MICAL3: variants seen among roughly 807,000 people sequenced by gnomAD.
MICAL3 encodes the protein microtubule associated monooxygenase, calponin and LIM domain containing 3, also known as [F-actin]-monooxygenase MICAL3.
Under a neutral mutation model 207.4 loss-of-function variants are expected in MICAL3, and 62 were observed. The observed-to-expected ratio is 0.30, with a 90% CI of 0.24 to 0.37. The LOEUF (loss-of-function observed/expected upper bound fraction) is 0.37, where lower values mean the gene tolerates loss of function less well. Among genes scored for constraint, MICAL3 ranks in the 10% least tolerant of loss-of-function variants. MICAL3 has a pLI of 1.00. For missense variants in MICAL3, 2,368 were observed against 2,635.6 expected, an observed-to-expected ratio of 0.90 and a Z score of 2.22; for synonymous variants, 1,077 against 1,069.3, an observed-to-expected ratio of 1.01 and a Z score of -0.14.
chr22:17,820,423 C>T (rs959118599), intron 25 of MICAL3, among the ~76,000 whole-genome samples: 37 of 152,308 alleles, frequency 2.4e-4, no homozygotes, highest in African/African-American at 5.5e-4. Context: ...GGTGCCATCT[C>T]GGCTCACTGC....
chr22:17,962,904 A>AATT (rs1300531764), intron 1 of MICAL3, among the ~76,000 whole-genome samples: 1 of 152,024 alleles, frequency 6.6e-6, no homozygotes, highest in Admixed American at 6.6e-5. Flanking sequence ...GCACACCACC[A>AATT]TGCCCAGCTA....
chr22:17,874,116 C>T (rs1173274003), intron 16 of MICAL3, among the ~76,000 whole-genome samples: 1 of 152,218 alleles, frequency 6.6e-6, no homozygotes, highest in Non-Finnish European at 1.5e-5. Flanking sequence ...ACGACGAAGC[C>T]GTTCTTGTGG....
intron 1 of MICAL3, among the ~76,000 whole-genome samples, chr22:17,981,807 C>G (rs530750725): frequency 6.6e-6 from 1 of 152,206 alleles, no homozygotes; most frequent in South Asian, 2.1e-4. Flanking sequence ...ATTATAATGG[C>G]GGCAGTTAAC....
chr22:17,864,579 G>A lies in MICAL3; in HGVS notation c.2605+320C>T, dbSNP rs1047086849. On this transcript the variant is annotated intron_variant, in intron 19 of 31. Transcript: ENST00000441493. The stretch of plus-strand genomic sequence containing the variant: ...TGTCTACCTACACAGGACCTGGGCC[G>A]CCCTCAGGTGTGATGGTGCGGGACG... 73 of 1,472,906 alleles carry A rather than the reference G, an allele frequency of 5.0e-5. No individual in the cohort carries two copies. The East Asian group carries it at 1.4e-3, about 27-fold the overall frequency. The allele number at this position is 1,472,906 out of a possible 1,614,324, so 91.2% of individuals were successfully genotyped here.
chr22:17,835,293 G>A (rs1318029396), intron 20 of MICAL3, among the ~76,000 whole-genome samples: 1 of 152,074 alleles, frequency 6.6e-6, no homozygotes, highest in African/African-American at 2.4e-5. Flanking sequence ...CCTCACCTCC[G>A]TGCATCAGCT....
chr22:17,865,347 G>C (rs1156549133), intron 18 of MICAL3, among the ~76,000 whole-genome samples: 1 of 152,208 alleles, frequency 6.6e-6, no homozygotes, highest in Non-Finnish European at 1.5e-5. Context: ...TGCTGACAAG[G>C]TGGCAACCAT....
intron 1 of MICAL3, among the ~76,000 whole-genome samples, chr22:17,949,715 G>C (rs1246718911): frequency 2.0e-5 from 3 of 152,226 alleles, no homozygotes; most frequent in Non-Finnish European, 4.4e-5. Flanking sequence ...GGATGCGTCA[G>C]GTGCTACAAA....
chr22:18,016,603 T>C (rs1924068610), intron 1 of MICAL3, among the ~76,000 whole-genome samples: 1 of 152,310 alleles, frequency 6.6e-6, no homozygotes, highest in Admixed American at 6.5e-5. Context: ...TGGAATCATA[T>C]AGTAGACAGT....
intron 1 of MICAL3, chr22:18,004,764 C>T (rs796731442): frequency 4.5e-4 from 69 of 152,276 alleles, no homozygotes; most frequent in African/African-American, 1.5e-3. Context: ...CTGAGGAAAA[C>T]ACAAGAGCTT....
chr22:17,841,640 G>T lies in MICAL3; in HGVS notation c.2801+182C>A. The T allele has an allele frequency of 1.6e-6, 1 of 610,868 alleles. No individual in the cohort carries two copies. Among genetic ancestry groups the T allele is most frequent in the South Asian group, 2.0e-5 (1 of 51,220 alleles). 37.8% of individuals were successfully genotyped at this position (610,868 alleles called of 1,614,324 possible). The stretch of plus-strand genomic sequence containing the variant: ...CCTGAATCTCTGAATTGAGTCTGAT[G>T]GAGGAGTCCTCACTGACTAGAAGAT... On this transcript the variant is annotated intron_variant, in intron 20 of 31. Coordinates refer to ENST00000441493, the MANE Select transcript of MICAL3 (RefSeq NM_015241.3). The surrounding 1 kb of genome is among the most constrained non-coding windows in gnomAD (Gnocchi z 4.2).
At chr22:17,989,017 C>A (rs1393847007) in intron 1 of MICAL3, among the ~76,000 whole-genome samples, 1 of 152,088 alleles carries the variant, frequency 6.6e-6, no homozygotes, top group African/African-American at 2.4e-5. Flanking sequence ...TGACTCCTCC[C>A]CGGCTGATCT....
At chr22:17,877,361 GGAGGTTAGGGAGGTGAGGGAGGTTAT>G in intron 16 of MICAL3, among the ~76,000 whole-genome samples, 1 of 112,242 alleles carries the variant, frequency 8.9e-6, no homozygotes, top group African/African-American at 4.8e-5. Context: ...GGGAGGTTAT[GGAGGTTAGGGAGGTGAGGGAGGTTAT>G]GGAGGTTAGG....
chr22:17,985,258 T>C (rs536358882), intron 1 of MICAL3, among the ~76,000 whole-genome samples: 104 of 152,190 alleles, frequency 6.8e-4, no homozygotes, highest in African/African-American at 2.4e-3. Context: ...TGCAGCAGAA[T>C]GCCCGAGCGT....
At chr22:17,816,097 G>A in intron 27 of MICAL3, among the ~76,000 whole-genome samples, 1 of 152,202 alleles carries the variant, frequency 6.6e-6, no homozygotes, top group East Asian at 1.9e-4. Context: ...GCTGACAGGT[G>A]CCTGTTAGAG....
At position 17,883,547 on chromosome 22, in the gene MICAL3, T is replaced by C. The variant is rs148767472; in HGVS notation, c.2241+2331A>G. Among the ~76,000 whole-genome samples, 85 of 152,232 alleles carry C rather than the reference T, an allele frequency of 5.6e-4. No individual in the cohort carries two copies. In the East Asian group the frequency reaches 7.5e-3, roughly 13 times the overall value. On this transcript the variant is annotated intron_variant, in intron 16 of 31. Transcript: ENST00000441493. ...ACCTAAATGATATCGGACAACGAGG[T>C]AGCCAACCCTGGCTCCACTCGAGAG... is the stretch of plus-strand genomic sequence containing the variant.
At chr22:17,998,744 A>G (rs2007946) in intron 1 of MICAL3, among the ~76,000 whole-genome samples, 51,390 of 151,506 alleles carry the variant, frequency 0.34, 10,175 homozygotes, top group African/African-American at 0.55. Context: ...TAGTACAAAC[A>G]GGGTTTCACC....
At chr22:17,885,734 T>C in intron 16 of MICAL3, 144 bp downstream of exon 16, 6 of 815,250 alleles carry the variant, frequency 7.4e-6, no homozygotes, top group East Asian at 2.5e-5. Flanking sequence ...GGCTCTTCTT[T>C]GCTGCAGTCA....
intron 19 of MICAL3, among the ~76,000 whole-genome samples, chr22:17,858,072 C>T (rs960845921): frequency 2.6e-5 from 4 of 152,228 alleles, no homozygotes; most frequent in East Asian, 1.9e-4. Context: ...CTGGTGTTCA[C>T]GTGGCTGGTA....
At chr22:18,007,527 C>A (rs1443433339) in intron 1 of MICAL3, among the ~76,000 whole-genome samples, 5 of 151,926 alleles carry the variant, frequency 3.3e-5, no homozygotes, top group African/African-American at 1.2e-4. Flanking sequence ...CACTCCTGGG[C>A]TCAAGTGATC....
Sources: allele counts gnomAD v4.1 joint callset (sites outside exome capture counted in the v4.1 genomes callset), GRCh38; gene constraint gnomAD v4.1.1; non-coding constraint Gnocchi (gnomAD v3.1); transcripts MANE v1.5; gene names NCBI Gene and HGNC (gene_info 2026-07-23, HGNC 2026-07-21).